PLEKHH2: variants seen among roughly 807,000 people sequenced by gnomAD.
The protein encoded by PLEKHH2 is pleckstrin homology domain-containing family H member 2.
PLEKHH2 carries 129 observed loss-of-function variants against 187.9 expected under a neutral mutation model. The ratio of observed to expected loss-of-function variants is 0.69; its 90% CI spans 0.59 to 0.79. The LOEUF (loss-of-function observed/expected upper bound fraction) is 0.79, where lower values mean the gene tolerates loss of function less well. Among genes scored for constraint, PLEKHH2 ranks in the 30% least tolerant of loss-of-function variants. The probability of loss-of-function intolerance (pLI) is 0.00; values close to 1 mark genes in which losing one functional copy is unlikely to be tolerated. For missense variants in PLEKHH2, 2,076 were observed against 1,751.2 expected, an observed-to-expected ratio of 1.19 and a Z score of -3.31; for synonymous variants, 686 against 605.6, an observed-to-expected ratio of 1.13 and a Z score of -1.95.
intron 2 of PLEKHH2, among the ~76,000 whole-genome samples, chr2:43,668,330 CCA>C (rs1160115633): frequency 6.6e-6 from 1 of 152,132 alleles, no homozygotes; most frequent in Non-Finnish European, 1.5e-5. Context: ...TCGCACCTGG[CCA>C]CATTCTTATT....
chr2:43,703,779 A>G (rs1669506593), intron 8 of PLEKHH2, among the ~76,000 whole-genome samples: 1 of 152,222 alleles, frequency 6.6e-6, no homozygotes, highest in Admixed American at 6.5e-5. Context: ...GGAAAAACTA[A>G]CAGATGGAGA....
chr2:43,693,703 G>A (rs1017668203), intron 4 of PLEKHH2, among the ~76,000 whole-genome samples: 137 of 100,626 alleles, frequency 1.4e-3, no homozygotes, highest in African/African-American at 6.0e-3. Flanking sequence ...CAGCCTGGGC[G>A]ACTGAGCGAG....
chr2:43,645,079 G>A (rs1312416725), intron 2 of PLEKHH2, among the ~76,000 whole-genome samples: 1 of 151,986 alleles, frequency 6.6e-6, no homozygotes, highest in Non-Finnish European at 1.5e-5. Flanking sequence ...TTTTATTAGA[G>A]GAGTATGACA....
intron 6 of PLEKHH2, among the ~76,000 whole-genome samples, chr2:43,695,560 G>A (rs1220124985): frequency 6.6e-6 from 1 of 152,224 alleles, no homozygotes; most frequent in Non-Finnish European, 1.5e-5. Context: ...AGAGAGTCCA[G>A]CTTGCTAAAA....
At chr2:43,757,332 C>A in intron 26 of PLEKHH2, 68 bp downstream of exon 26, 7 of 1,231,288 alleles carry the variant, frequency 5.7e-6, no homozygotes, top group East Asian at 2.9e-5. Flanking sequence ...TTTTTGTGTT[C>A]AAATTTTAAA....
At position 43,764,306 on chromosome 2, in the gene PLEKHH2, A is replaced by C; in HGVS notation, c.4237A>C (p.Asn1413His). 1 of 1,609,082 alleles carries C rather than the reference A, an allele frequency of 6.2e-7. No homozygotes were observed. Among genetic ancestry groups the C allele is most frequent in the Non-Finnish European group, 8.5e-7 (1 of 1,176,660 alleles). The change falls in exon 29 of 30, where the codon AAT becomes CAT. Residue 1413 changes from asparagine to histidine, a missense_variant. By Grantham distance (68) the Asn-to-His change is moderately conservative. Transcript: ENST00000282406. Reference protein sequence around the residue: ...YQDDFMVVINNTHSKDKPTEK... With the variant: ...YQDDFMVVINHTHSKDKPTEK... ...AGATGATTTTATGGTAGTCATTAAC[A>C]ATACACATTCAAAGGACAAACCAAC...
intron 2 of PLEKHH2, among the ~76,000 whole-genome samples, chr2:43,674,144 C>T (rs572673448): frequency 1.9e-4 from 29 of 152,234 alleles, no homozygotes; most frequent in Non-Finnish European, 3.4e-4. Flanking sequence ...AACAGTGAAG[C>T]AAGCTGACTT....
In PLEKHH2 at chr2:43,700,357, A is replaced by T. The variant is rs1329149259; in HGVS notation, c.1399A>T (p.Arg467Trp). Residue 467 changes from arginine to tryptophan, a missense_variant, in exon 8 of 30, where the codon AGG becomes TGG. Arg to Trp is a moderately radical substitution (Grantham distance 101, BLOSUM62 -3). Transcript: ENST00000282406. Reference sequence around the variant, plus strand: ...AAGCCAGCCACAGTTAAGCTCTGACAGGATGTTTGGTACAAATAGAAACGC... The same window carrying T: ...AAGCCAGCCACAGTTAAGCTCTGACTGGATGTTTGGTACAAATAGAAACGC... ...HLSQPQLSSD[R>W]MFGTNRNAIS... 1 of 1,614,220 alleles carries T rather than the reference A, an allele frequency of 6.2e-7. No individual in the cohort carries two copies. The highest frequency in any genetic ancestry group is 1.7e-5 in the Admixed American group (1 of 60,022).
chr2:43,762,081 A>G lies in PLEKHH2; in HGVS notation c.4072-223A>G, dbSNP rs559951083. The stretch of plus-strand genomic sequence containing the variant: ...TTCAGTAGTTTATCCAAATGCATAC[A>G]TTAATATATGGCAGGTTTGGGTCTC... On this transcript the variant is annotated intron_variant, in intron 27 of 29. Coordinates refer to ENST00000282406, the MANE Select transcript of PLEKHH2 (RefSeq NM_172069.4). Among the ~76,000 whole-genome samples, 7 of 152,344 alleles carry G rather than the reference A, an allele frequency of 4.6e-5. No individual in the cohort carries two copies. The East Asian group carries it at 1.3e-3, about 29-fold the overall frequency.
intron 16 of PLEKHH2, among the ~76,000 whole-genome samples, chr2:43,722,624 C>T (rs1262935589): frequency 1.3e-5 from 2 of 152,138 alleles, no homozygotes; most frequent in Admixed American, 1.3e-4. Flanking sequence ...CCCAATTTCT[C>T]TGTAATTATG....
At chr2:43,759,085 C>G (rs1185645691) in intron 27 of PLEKHH2, 56 bp downstream of exon 27, 4 of 1,558,268 alleles carry the variant, frequency 2.6e-6, no homozygotes. Flanking sequence ...CATAGTTGAC[C>G]AGATTTACCC....
At chr2:43,638,695 C>T (rs1462461758) in intron 1 of PLEKHH2, among the ~76,000 whole-genome samples, 1 of 152,022 alleles carries the variant, frequency 6.6e-6, no homozygotes, top group East Asian at 1.9e-4. Flanking sequence ...TATATATATT[C>T]CCAATGTTAT....
At chr2:43,687,734 A>G (rs1403387591) in intron 3 of PLEKHH2, among the ~76,000 whole-genome samples, 1 of 152,078 alleles carries the variant, frequency 6.6e-6, no homozygotes, top group Admixed American at 6.6e-5. Flanking sequence ...TTCTCTGGTG[A>G]TTAGCAATGA....
At chr2:43,737,838 A>C (rs1399576005) in intron 19 of PLEKHH2, among the ~76,000 whole-genome samples, 1 of 152,222 alleles carries the variant, frequency 6.6e-6, no homozygotes, top group Non-Finnish European at 1.5e-5. Flanking sequence ...GGAATTAACT[A>C]TGGATCTGAA....
In PLEKHH2 at chr2:43,720,713, A is replaced by G; in HGVS notation, c.2505A>G (p.Gly835=). The G allele has an allele frequency of 6.2e-7, 1 of 1,608,962 alleles. No individual in the cohort carries two copies. The highest frequency in any genetic ancestry group is 8.5e-7 in the Non-Finnish European group (1 of 1,178,536). The change falls in exon 16 of 30, where the codon GGA becomes GGG. Residue 835 remains glycine (G), a synonymous_variant. Transcript: ENST00000282406. Reference sequence around the variant, plus strand: ...AGAGAGTCTGGTGTACACTAATAGGAAAGACATTATATTATTTTCGGAGTC... The same window carrying G: ...AGAGAGTCTGGTGTACACTAATAGGGAAGACATTATATTATTTTCGGAGTC... ...YSKRVWCTLI[G]KTLYYFRSQE...
chr2:43,650,212 G>A (rs1666398735), intron 2 of PLEKHH2, among the ~76,000 whole-genome samples: 2 of 133,970 alleles, frequency 1.5e-5, no homozygotes, highest in African/African-American at 5.7e-5. Context: ...GTGCAGTGGT[G>A]CCTTCTGCCC....
chr2:43,658,218 T>C (rs555074072), intron 2 of PLEKHH2, among the ~76,000 whole-genome samples: 1 of 152,352 alleles, frequency 6.6e-6, no homozygotes, highest in African/African-American at 2.4e-5. Flanking sequence ...TTTCTTCTGC[T>C]CCTTCCCATT....
chr2:43,725,838 C>T (rs772759453), intron 16 of PLEKHH2, among the ~76,000 whole-genome samples: 34 of 152,080 alleles, frequency 2.2e-4, no homozygotes, highest in Non-Finnish European at 3.8e-4. Context: ...TATACTGATG[C>T]GGTGGCTCAC....
chr2:43,716,518 A>C (rs759468295), intron 15 of PLEKHH2, among the ~76,000 whole-genome samples: 1 of 152,194 alleles, frequency 6.6e-6, no homozygotes, highest in Non-Finnish European at 1.5e-5. Flanking sequence ...GGCCCACCAG[A>C]CTTTCTGATT....
Sources: allele counts gnomAD v4.1 joint callset (sites outside exome capture counted in the v4.1 genomes callset), GRCh38; gene constraint gnomAD v4.1.1; transcripts MANE v1.5; gene names NCBI Gene and HGNC (gene_info 2026-07-23, HGNC 2026-07-21).